AGBL4: variants seen among roughly 807,000 people sequenced by gnomAD.
AGBL4 encodes the protein AGBL carboxypeptidase 4.
A neutral mutation model predicts 66.4 loss-of-function variants in AGBL4; 58 were observed. The observed-to-expected ratio is 0.87, with a 90% CI of 0.71 to 1.09. The LOEUF is 1.09. AGBL4 is among the 50% of genes least tolerant of loss of function. AGBL4 has a pLI of 0.00. For synonymous variants in AGBL4, 234 were observed against 222.9 expected, an observed-to-expected ratio of 1.05 and a Z score of -0.44; for missense variants, 579 against 631.0, an observed-to-expected ratio of 0.92 and a Z score of 0.88.
rs567883646 is a variant in AGBL4, at chr1:49,742,164, C to A, written c.158-44727G>T. 3.6e-4 allele frequency among the ~76,000 whole-genome samples: 55 copies of A among 151,940 alleles called. 1 individual carries two copies. In the South Asian group the frequency reaches 9.6e-3, roughly 26 times the overall value. ...TATCTAGAAAACCCCATTGTCTCAG[C>A]CCAAAATCTCCTTAAGCTGATAAGC... On this transcript the variant is annotated intron_variant, in intron 2 of 13. Coordinates refer to ENST00000371839, the MANE Select transcript of AGBL4 (RefSeq NM_032785.4).
At chr1:48,608,992 C>G (rs1054369784) in intron 9 of AGBL4, among the ~76,000 whole-genome samples, 6 of 152,078 alleles carry the variant, frequency 3.9e-5, no homozygotes, top group African/African-American at 1.2e-4. Context: ...GATGAGGGAC[C>G]CTTGGCTCAG....
chr1:49,717,465 A>G (rs1047228029), intron 2 of AGBL4, among the ~76,000 whole-genome samples: 2 of 151,942 alleles, frequency 1.3e-5, no homozygotes, highest in African/African-American at 4.8e-5. Context: ...ATCTCCTATT[A>G]TTATCACTTT....
chr1:48,861,257 T>C (rs1046849331), intron 6 of AGBL4, among the ~76,000 whole-genome samples: 7 of 152,116 alleles, frequency 4.6e-5, no homozygotes, highest in Admixed American at 1.3e-4. Context: ...TTAAGAACCA[T>C]GGAGGGCTGC....
At chr1:49,749,155 T>C (rs1429391714) in intron 2 of AGBL4, among the ~76,000 whole-genome samples, 1 of 152,204 alleles carries the variant, frequency 6.6e-6, no homozygotes, top group African/African-American at 2.4e-5. Context: ...TACGTTTAAG[T>C]CTTTTAATCT....
At chr1:48,714,449 T>A (rs1379926075) in intron 6 of AGBL4, among the ~76,000 whole-genome samples, 5 of 152,252 alleles carry the variant, frequency 3.3e-5, no homozygotes, top group Non-Finnish European at 7.3e-5. Context: ...CAAACCATGC[T>A]GGTTTTAACC....
intron 3 of AGBL4, among the ~76,000 whole-genome samples, chr1:49,688,971 A>G (rs534603640): frequency 5.3e-5 from 8 of 152,158 alleles, no homozygotes; most frequent in African/African-American, 1.9e-4. Flanking sequence ...CTGATTATTA[A>G]TCCCTTGTCA....
intron 5 of AGBL4, among the ~76,000 whole-genome samples, chr1:48,886,988 C>A (rs1558067426): frequency 6.6e-6 from 1 of 152,008 alleles, no homozygotes; most frequent in Non-Finnish European, 1.5e-5. Context: ...GCTGTGGGAT[C>A]CCATGGAGGA....
chr1:49,398,330 TCTTTC>T, intron 3 of AGBL4, among the ~76,000 whole-genome samples: 1 of 102,290 alleles, frequency 9.8e-6, no homozygotes, highest in East Asian at 2.2e-4. Flanking sequence ...TCCCTCTCTC[TCTTTC>T]TCTCTCTCTC....
intron 3 of AGBL4, among the ~76,000 whole-genome samples, chr1:49,634,938 A>T (rs1326266926): frequency 3.9e-5 from 6 of 152,166 alleles, no homozygotes; most frequent in Non-Finnish European, 7.4e-5. Flanking sequence ...ACGTAGAGAG[A>T]ATTTGATGGT....
chr1:48,948,883 T>C (rs1656736458), intron 5 of AGBL4, among the ~76,000 whole-genome samples: 2 of 151,372 alleles, frequency 1.3e-5, no homozygotes, highest in Non-Finnish European at 2.9e-5. Context: ...AAAAAAAAAA[T>C]TGAAAGGATG....
rs35166729 is a variant in AGBL4 at position 49,842,070 on chromosome 1, T to C, written c.157+9326A>G. Reference sequence around the variant, plus strand: ...CTTGTGCCCAGCCTCTACTCATGCCTGCCCTCTACCTGCATGCCCGACCTC... The same window carrying C: ...CTTGTGCCCAGCCTCTACTCATGCCCGCCCTCTACCTGCATGCCCGACCTC... On this transcript the variant is annotated intron_variant, in intron 2 of 13. Coordinates refer to ENST00000371839, the MANE Select transcript of AGBL4 (RefSeq NM_032785.4). 3,202 of 359,894 alleles carry C rather than the reference T, an allele frequency of 8.9e-3. 17 individuals carry two copies. Among genetic ancestry groups the C allele is most frequent in the Non-Finnish European group, 0.012 (2,283 of 190,554 alleles). 22.3% of individuals were successfully genotyped at this position (359,894 alleles called of 1,614,324 possible).
intron 1 of AGBL4, among the ~76,000 whole-genome samples, chr1:49,990,944 T>C (rs1255479512): frequency 6.6e-6 from 1 of 152,136 alleles, no homozygotes; most frequent in Non-Finnish European, 1.5e-5. Flanking sequence ...CACTAACATA[T>C]CATATTAAAG....
intron 4 of AGBL4, among the ~76,000 whole-genome samples, chr1:49,174,223 T>G (rs1569936803): frequency 6.6e-6 from 1 of 152,100 alleles, no homozygotes; most frequent in East Asian, 1.9e-4. Flanking sequence ...ACTAATCCAG[T>G]AAGAACTAGA....
At chr1:48,525,876 CAT>C in the AGBL4 span, among the ~76,000 whole-genome samples, 58 of 152,176 alleles carry the variant, frequency 3.8e-4, no homozygotes, top group Non-Finnish European at 1.0e-4. Flanking sequence ...TAGTTAGTGA[CAT>C]AGCACCCTCT....
At chr1:49,831,751 A>G (rs1193080839) in intron 2 of AGBL4, among the ~76,000 whole-genome samples, 1 of 152,162 alleles carries the variant, frequency 6.6e-6, no homozygotes, top group Admixed American at 6.6e-5. Context: ...TGGGTTTGTC[A>G]TAAATAGCTC....
chr1:49,669,295 G>C (rs967276056), intron 3 of AGBL4, among the ~76,000 whole-genome samples: 1 of 152,086 alleles, frequency 6.6e-6, no homozygotes, highest in Non-Finnish European at 1.5e-5. Flanking sequence ...AAGACACAGA[G>C]AGCCCAACTC....
At chr1:49,634,024 T>C in intron 3 of AGBL4, among the ~76,000 whole-genome samples, 1 of 151,726 alleles carries the variant, frequency 6.6e-6, no homozygotes, top group Non-Finnish European at 1.5e-5. Context: ...TAATTTAAAA[T>C]TATTTTTGAG....
chr1:49,159,258 C>G (rs1169057027), intron 4 of AGBL4, among the ~76,000 whole-genome samples: 3 of 151,976 alleles, frequency 2.0e-5, no homozygotes, highest in Non-Finnish European at 2.9e-5. Flanking sequence ...GGCAGGCCTG[C>G]TGGTGACAAA....
At chr1:48,974,492 A>G (rs1659160328) in intron 5 of AGBL4, among the ~76,000 whole-genome samples, 1 of 152,144 alleles carries the variant, frequency 6.6e-6, no homozygotes, top group Admixed American at 6.6e-5. Context: ...TGAGGAGGAG[A>G]TATGAACACA....
Sources: allele counts gnomAD v4.1 joint callset (sites outside exome capture counted in the v4.1 genomes callset), GRCh38; gene constraint gnomAD v4.1.1; transcripts MANE v1.5; gene names NCBI Gene and HGNC (gene_info 2026-07-23, HGNC 2026-07-21).